The following TTC28 variants were observed in gnomAD, a reference collection of about 807,000 sequenced individuals.
TTC28 encodes tetratricopeptide repeat protein 28.
In TTC28, 61 loss-of-function variants were observed where a neutral mutation model predicts 198.0. The observed-to-expected ratio is 0.31, with a 90% confidence interval of 0.25 to 0.38. The LOEUF (loss-of-function observed/expected upper bound fraction) is 0.38. Among genes scored for constraint, TTC28 ranks in the 10% least tolerant of loss-of-function variants. The pLI is 1.00. For synonymous variants in TTC28, 1,171 were observed against 1,297.8 expected (o/e 0.90, Z 2.10); for missense variants, 2,678 against 3,164.0 (o/e 0.85, Z 3.69).
rs1411775859 is a variant in TTC28 at position 28,581,118 on chromosome 22, G to A, written c.381+48434C>T. Among the ~76,000 whole-genome samples, 13 of 152,222 alleles carry A rather than the reference G, an allele frequency of 8.5e-5. No homozygotes were observed. In the East Asian group the frequency reaches 1.5e-3, roughly 18 times the overall value. On this transcript the variant is annotated intron_variant, in intron 2 of 22. Transcript: ENST00000397906. ...GGACGGTCCTCATGCGAGGTAACTG[G>A]ATCAAGGGGGCAGATTTCCCCCTTG...
At chr22:28,385,401 GTAGATAATAATATCTACTTTTAA>G (rs2046563646) in intron 2 of TTC28, among the ~76,000 whole-genome samples, 1 of 150,416 alleles carries the variant, frequency 6.6e-6, no homozygotes, top group Non-Finnish European at 1.5e-5. Flanking sequence ...ACTTGTAAAT[GTAGATAATAATATCTACTTTTAA>G]TAGATGTTAA....
At chr22:28,176,010 C>T (rs1399866952) in intron 5 of TTC28, among the ~76,000 whole-genome samples, 1 of 151,992 alleles carries the variant, frequency 6.6e-6, no homozygotes, top group Non-Finnish European at 1.5e-5. Context: ...GGAAGTTCCT[C>T]AAGAAACGAA....
chr22:28,317,237 C>T (rs1465272843), intron 2 of TTC28, among the ~76,000 whole-genome samples: 1 of 151,758 alleles, frequency 6.6e-6, no homozygotes, highest in Admixed American at 6.6e-5. Context: ...TAATTTTAAC[C>T]TTTATGTCAT....
At chr22:28,325,865 G>C (rs2045521909) in intron 2 of TTC28, among the ~76,000 whole-genome samples, 1 of 152,138 alleles carries the variant, frequency 6.6e-6, no homozygotes. Context: ...AGTGAGGACA[G>C]AGAGAACCTG....
chr22:28,341,058 C>G (rs1018885701), intron 2 of TTC28, among the ~76,000 whole-genome samples: 1 of 152,114 alleles, frequency 6.6e-6, no homozygotes, highest in African/African-American at 2.4e-5. Context: ...TTTGAGAAGC[C>G]TAAAACAATG....
chr22:28,607,329 G>A (rs959369598), intron 2 of TTC28, among the ~76,000 whole-genome samples: 3 of 152,168 alleles, frequency 2.0e-5, no homozygotes, highest in Non-Finnish European at 2.9e-5. Flanking sequence ...GGCCGTACTT[G>A]AGAACTTGGA....
chr22:28,318,812 CTTTTTTTTTTTTTTTTT>C (rs71316836), intron 2 of TTC28, among the ~76,000 whole-genome samples: 2 of 61,324 alleles, frequency 3.3e-5, no homozygotes, highest in African/African-American at 6.5e-5. Context: ...GAAGTGTATT[CTTTTTTTTTTTTTTTTT>C]TTTTTTTTGG....
intron 12 of TTC28, among the ~76,000 whole-genome samples, chr22:28,075,363 A>G (rs770041781): frequency 6.6e-5 from 10 of 152,170 alleles, no homozygotes; most frequent in Middle Eastern, 3.2e-3. Context: ...TTAGTGCTCT[A>G]GTCCCTAATG....
Position 28,432,438 on chromosome 22 carries a change from ATATAT to A in TTC28, c.382-125800_382-125796del, listed in dbSNP as rs1173483487. On this transcript the variant is annotated intron_variant, in intron 2 of 22. Transcript: ENST00000397906. ...TTAATTCATATGAGACAATGCAAAG[ATATAT>A]TATAGATTCACCTTAAAAAATAAAG... Among the ~76,000 whole-genome samples the A allele has an allele frequency of 2.0e-5, 3 of 152,194 alleles. No homozygotes were observed. In the East Asian group the frequency reaches 5.8e-4, roughly 29 times the overall value.
chr22:28,230,381 T>C (rs564626556), intron 5 of TTC28, among the ~76,000 whole-genome samples: 99 of 152,322 alleles, frequency 6.5e-4, no homozygotes, highest in African/African-American at 2.2e-3. Flanking sequence ...TGAAGCTTTC[T>C]GCAGATTATT....
chr22:28,547,791 C>T (rs2049576572), intron 2 of TTC28, among the ~76,000 whole-genome samples: 1 of 149,728 alleles, frequency 6.7e-6, no homozygotes, highest in Admixed American at 6.7e-5. Flanking sequence ...ACTCTACAGA[C>T]ATGTATCATT....
At chr22:28,273,547 A>T (rs1157805455) in intron 5 of TTC28, among the ~76,000 whole-genome samples, 1 of 152,148 alleles carries the variant, frequency 6.6e-6, no homozygotes. Flanking sequence ...TAAAAAAAAA[A>T]TCTAAGCTGA....
intron 12 of TTC28, among the ~76,000 whole-genome samples, chr22:28,074,673 C>T (rs1335331528): frequency 6.6e-6 from 1 of 152,178 alleles, no homozygotes; most frequent in Non-Finnish European, 1.5e-5. Flanking sequence ...CAGTGACAGG[C>T]TCATGACATT....
At chr22:28,647,588 T>A (rs889377667) in intron 1 of TTC28, among the ~76,000 whole-genome samples, 1 of 150,890 alleles carries the variant, frequency 6.6e-6, no homozygotes, top group Non-Finnish European at 1.5e-5. Context: ...GCCTGTAATC[T>A]CAGCACTTTG....
intron 2 of TTC28, among the ~76,000 whole-genome samples, chr22:28,420,452 TAAAG>T (rs1393672026): frequency 1.3e-5 from 2 of 150,778 alleles, no homozygotes; most frequent in East Asian, 2.0e-4. Flanking sequence ...AAAACACACT[TAAAG>T]AGAGAGACCA....
At chr22:28,440,083 G>A (rs1463464423) in intron 2 of TTC28, among the ~76,000 whole-genome samples, 9 of 152,310 alleles carry the variant, frequency 5.9e-5, no homozygotes, top group East Asian at 3.9e-4. Flanking sequence ...TCATCCGCTC[G>A]CCTCGGCCTC....
chr22:28,027,804 GC>G (rs1346069227), intron 13 of TTC28, among the ~76,000 whole-genome samples: 1 of 152,268 alleles, frequency 6.6e-6, no homozygotes, highest in East Asian at 1.9e-4. Context: ...CCACAGCAGG[GC>G]AGGGACAGGC....
intron 5 of TTC28, among the ~76,000 whole-genome samples, chr22:28,178,428 T>C (rs556326828): frequency 2.6e-5 from 4 of 151,914 alleles, no homozygotes; most frequent in East Asian, 1.9e-4. Flanking sequence ...GATGGCACCA[T>C]TGCAAACCAG....
At chr22:28,043,167 C>T (rs573075145) in intron 12 of TTC28, among the ~76,000 whole-genome samples, 8 of 146,050 alleles carry the variant, frequency 5.5e-5, no homozygotes, top group East Asian at 2.0e-4. Context: ...TGCTTGAACC[C>T]GGGAGGCAGA....
Sources: gnomAD v4.1 joint callset for allele counts (sites outside exome capture counted in the v4.1 genomes callset) on GRCh38, gnomAD v4.1.1 for gene constraint, MANE v1.5 for transcripts, NCBI Gene and HGNC (gene_info 2026-07-23, HGNC 2026-07-21) for gene names.